TRIOBP: variants seen among roughly 807,000 people sequenced by gnomAD.
TRIOBP encodes TRIO and F-actin binding protein.
A neutral mutation model predicts 238.8 loss-of-function variants in TRIOBP; 169 were observed. The ratio of observed to expected loss-of-function variants is 0.71; its 90% CI spans 0.62 to 0.80. The LOEUF is 0.80. Among genes scored for constraint, TRIOBP ranks in the 30% least tolerant of loss-of-function variants. The probability of loss-of-function intolerance (pLI) is 0.00; values close to 1 mark genes in which losing one functional copy is unlikely to be tolerated. For synonymous variants in TRIOBP, 1,150 were observed against 1,274.4 expected (o/e 0.90, Z 2.08); for missense variants, 2,838 against 3,122.6 (o/e 0.91, Z 2.17).
intron 17 of TRIOBP, among the ~76,000 whole-genome samples, chr22:37,761,110 G>A (rs1569060028): frequency 1.3e-5 from 2 of 152,150 alleles, no homozygotes; most frequent in South Asian, 2.1e-4. Flanking sequence ...TGAGAAGGAA[G>A]GCTGGTTGGT....
intron 22 of TRIOBP, chr22:37,771,972 A>AATTTATTG (rs1346599451): frequency 1.6e-6 from 1 of 628,872 alleles, no homozygotes; most frequent in African/African-American, 1.8e-5. Context: ...AGCATTATTT[A>AATTTATTG]ATTTATTGAT....
At chr22:37,715,702 G>A in intron 5 of TRIOBP, 61 bp from the exon 6 acceptor site, 3 of 1,568,472 alleles carry the variant, frequency 1.9e-6, no homozygotes, top group Non-Finnish European at 2.6e-6. Flanking sequence ...CATTTGGAGA[G>A]TATATGTCCT....
intron 12 of TRIOBP, among the ~76,000 whole-genome samples, chr22:37,752,202 G>A (rs764449016): frequency 6.6e-5 from 10 of 152,300 alleles, no homozygotes; most frequent in East Asian, 1.9e-4. Context: ...GGCTCAGGGC[G>A]CAGGTGCTGG....
chr22:37,719,202 C>CAAATAAAT lies in TRIOBP; in HGVS notation c.628+3295_628+3302dup, dbSNP rs57821341. On this transcript the variant is annotated intron_variant, in intron 6 of 23. Transcript: ENST00000644935. ...TGGGCAACAGAATAAGACTCCATCTCAAATAAATAAATAAATAAATAAATA... is the reference window on the plus strand; with the variant it reads ...TGGGCAACAGAATAAGACTCCATCTCAAATAAATAAATAAATAAATAAATAAATAAATA... Among the ~76,000 whole-genome samples, 1,049 of 145,916 alleles carry CAAATAAAT rather than the reference C, an allele frequency of 7.2e-3. 8 individuals are homozygous for CAAATAAAT. The highest frequency in any genetic ancestry group is 0.016 in the African/African-American group (609 of 39,204).
chr22:37,771,518 G>A (rs1168197939), intron 21 of TRIOBP, 132 bp from the exon 22 acceptor site: 2 of 779,968 alleles, frequency 2.6e-6, no homozygotes, highest in Non-Finnish European at 4.5e-6. Context: ...CCTCCAGGAT[G>A]TAGAGGGTTT....
In TRIOBP at chr22:37,726,218, G is replaced by C; in HGVS notation, c.3662G>C (p.Arg1221Pro). The C allele has an allele frequency of 6.2e-7, 1 of 1,602,970 alleles. No homozygotes were observed. The highest frequency in any genetic ancestry group is 1.1e-5 in the South Asian group (1 of 89,494). Reference sequence around the variant, plus strand: ...ATCCCCCAAGTGTGCATCGGGCACCGGGATGCACCCCGAGCCTCCTCCCCA... The same window carrying C: ...ATCCCCCAAGTGTGCATCGGGCACCCGGATGCACCCCGAGCCTCCTCCCCA... ...VLIPQVCIGH[R>P]DAPRASSPPR... is the part of the protein sequence containing the mutation. The change falls in exon 7 of 24, where the codon CGG becomes CCG. Residue 1221 changes from arginine to proline, a missense_variant. Coordinates refer to ENST00000644935, the MANE Select transcript of TRIOBP (RefSeq NM_001039141.3).
At position 37,755,063 on chromosome 22, in the gene TRIOBP, AG is replaced by A. The variant is rs1925843124; in HGVS notation, c.5488-35del. 5 of 1,611,452 alleles carry A rather than the reference AG, an allele frequency of 3.1e-6. No homozygotes were observed. In the South Asian group the frequency reaches 3.3e-5, roughly 11 times the overall value. The stretch of plus-strand genomic sequence containing the variant: ...TGGGTTCACTGGGGTGGGTCACACC[AG>A]GGCCCACACGGACCATAGTGGGCCC... On this transcript the variant is annotated intron_variant, in intron 13 of 23. Transcript: ENST00000644935.
At chr22:37,768,708 G>A (rs1400940808) in intron 19 of TRIOBP, among the ~76,000 whole-genome samples, 3 of 152,066 alleles carry the variant, frequency 2.0e-5, no homozygotes, top group Non-Finnish European at 4.4e-5. Flanking sequence ...GGCTGAGGCA[G>A]GAGAATCGCT....
intron 21 of TRIOBP, 130 bp from the exon 22 acceptor site, chr22:37,771,520 A>T: frequency 1.3e-6 from 1 of 783,764 alleles, no homozygotes; most frequent in Non-Finnish European, 2.2e-6. Flanking sequence ...TCCAGGATGT[A>T]GAGGGTTTTT....
intron 11 of TRIOBP, chr22:37,746,384 C>G: frequency 1.5e-6 from 2 of 1,376,022 alleles, no homozygotes; most frequent in South Asian, 3.0e-5. Context: ...CACGTTCCTG[C>G]CTCCTGCTCC....
At chr22:37,711,298 C>T (rs1303312964) in intron 4 of TRIOBP, among the ~76,000 whole-genome samples, 1 of 152,104 alleles carries the variant, frequency 6.6e-6, no homozygotes, top group Admixed American at 6.6e-5. Context: ...AAAAAAACAG[C>T]CTGGGTGCAG....
Position 37,728,168 on chromosome 22 carries a change from TG to T in TRIOBP, c.3947+1667del, listed in dbSNP as rs1287643908. Among the ~76,000 whole-genome samples the T allele has an allele frequency of 3.3e-5, 5 of 149,898 alleles. No homozygotes were observed. In the East Asian group the frequency reaches 7.9e-4, roughly 24 times the overall value. On this transcript the variant is annotated intron_variant, in intron 7 of 23. Coordinates refer to ENST00000644935, the MANE Select transcript of TRIOBP (RefSeq NM_001039141.3). ...CCTTATCAGTCTTGGCTGGGTGCAGTGGCTCCCTCCTGTAATCCCAGCACTG... is the reference window on the plus strand; with the variant it reads ...CCTTATCAGTCTTGGCTGGGTGCAGTGCTCCCTCCTGTAATCCCAGCACTG...
chr22:37,746,159 G>C, intron 11 of TRIOBP: 1 of 1,016,560 alleles, frequency 9.8e-7, no homozygotes, highest in Non-Finnish European at 1.2e-6. Context: ...CCCCGCCGCT[G>C]TTTGTCTCGG....
At chr22:37,761,327 G>A (rs149602937) in intron 17 of TRIOBP, among the ~76,000 whole-genome samples, 1,742 of 152,046 alleles carry the variant, frequency 0.011, 33 homozygotes, top group African/African-American at 0.04. Context: ...GGTGGTGGGC[G>A]CCTATAATCC....
At chr22:37,726,587 AAG>A in intron 7 of TRIOBP, 84 bp downstream of exon 7, 1 of 1,317,672 alleles carries the variant, frequency 7.6e-7, no homozygotes, top group South Asian at 1.7e-5. Flanking sequence ...TGCCAAAAGA[AAG>A]TGTTCAAATC....
In TRIOBP at chr22:37,724,705, C is replaced by A. The variant is rs186620158; in HGVS notation, c.2149C>A (p.Gln717Lys). 8.7e-6 allele frequency: 14 copies of A among 1,612,900 alleles called. No homozygotes were observed. Among genetic ancestry groups the A allele is most frequent in the African/African-American group, 5.4e-5 (4 of 74,444 alleles). ...CTCCTCTCCTAACAGAACCACCCAA[C>A]AAGAGAACCCCAGAACATCCTGTGC... is the stretch of plus-strand genomic sequence containing the variant. ...RASSPNRTTQQENPRTSCARR... is the reference protein window; with the variant it reads ...RASSPNRTTQKENPRTSCARR... The change falls in exon 7 of 24, where the codon CAA becomes AAA. Residue 717 changes from glutamine to lysine, a missense_variant. Physicochemically the swap from Gln to Lys is moderately conservative, Grantham distance 53. This residue lies in a region of TRIOBP where 167 missense variants were observed against 200.2 expected (regional missense o/e 0.83). Coordinates refer to ENST00000644935, the MANE Select transcript of TRIOBP (RefSeq NM_001039141.3).
intron 3 of TRIOBP, among the ~76,000 whole-genome samples, chr22:37,706,597 C>T (rs927783060): frequency 2.6e-5 from 4 of 151,966 alleles, no homozygotes; most frequent in African/African-American, 9.7e-5. Context: ...TTAAGACCAG[C>T]CTAGTTAACA....
rs979023795 is a variant in TRIOBP, at chr22:37,725,519, C to G, written c.2963C>G (p.Thr988Ser). Residue 988 changes from threonine to serine, a missense_variant, in exon 7 of 24, where the codon ACC becomes AGC. Thr to Ser is a moderately conservative substitution (Grantham distance 58, BLOSUM62 1). Coordinates refer to ENST00000644935, the MANE Select transcript of TRIOBP (RefSeq NM_001039141.3). ...SSSHNPGHQS[T>S]SRTSSPVYPA... ...TCCCATAACCCAGGCCACCAGAGCACCTCCCGAACTTCCTCACCTGTGTAC... is the reference window on the plus strand; with the variant it reads ...TCCCATAACCCAGGCCACCAGAGCAGCTCCCGAACTTCCTCACCTGTGTAC... The G allele has an allele frequency of 4.3e-6, 7 of 1,613,662 alleles. No individual in the cohort carries two copies. Among genetic ancestry groups the G allele is most frequent in the Non-Finnish European group, 5.9e-6 (7 of 1,179,980 alleles).
chr22:37,734,636 C>A lies in TRIOBP; in HGVS notation c.4300C>A (p.Pro1434Thr). 1.3e-6 allele frequency: 2 copies of A among 1,589,962 alleles called. No individual in the cohort carries two copies. Among genetic ancestry groups the A allele is most frequent in the Non-Finnish European group, 1.7e-6 (2 of 1,168,754 alleles). The change falls in exon 9 of 24, where the codon CCA (proline) becomes ACA (threonine). Residue 1434 changes from proline to threonine, a missense_variant. Pro to Thr is a conservative substitution (Grantham distance 38). Transcript: ENST00000644935. Reference protein sequence around the residue: ...LGVWQSQEEPPGSQGPHRHLE... With the variant: ...LGVWQSQEEPTGSQGPHRHLE... ...GGTGTGGCAGAGTCAGGAGGAACCG[C>A]CAGGGTCCCAGGGCCCTCATAGACA...
Sources: allele counts gnomAD v4.1 joint callset (sites outside exome capture counted in the v4.1 genomes callset), GRCh38; gene constraint gnomAD v4.1.1; regional missense constraint gnomAD v4.1.1; transcripts MANE v1.5; gene names NCBI Gene and HGNC (gene_info 2026-07-23, HGNC 2026-07-21).